The following CDKL4 variants were observed in gnomAD, a reference collection of about 807,000 sequenced individuals.
CDKL4 encodes the protein cyclin-dependent kinase-like 4.
CDKL4 carries 44 observed loss-of-function variants against 42.0 expected under a neutral mutation model. The ratio of observed to expected loss-of-function variants is 1.05; its 90% CI spans 0.82 to 1.35. The LOEUF is 1.35. Ranked by LOEUF, CDKL4 falls within the 40% of genes most tolerant of loss-of-function variation. The probability of loss-of-function intolerance (pLI) is 0.00; values close to 1 mark genes in which losing one functional copy is unlikely to be tolerated. For synonymous variants in CDKL4, 120 were observed against 121.6 expected, an observed-to-expected ratio of 0.99 and a Z score of 0.09; for missense variants, 393 against 369.9, an observed-to-expected ratio of 1.06 and a Z score of -0.51.
At chr2:39,222,179 C>T (rs1406148362) in intron 3 of CDKL4, among the ~76,000 whole-genome samples, 2 of 152,002 alleles carry the variant, frequency 1.3e-5, no homozygotes, top group Non-Finnish European at 2.9e-5. Flanking sequence ...GGTATAAATA[C>T]CAAGTACCAC....
In CDKL4 at chr2:39,187,609, C is replaced by A. The variant is rs149117185; in HGVS notation, c.735+18G>T. The stretch of plus-strand genomic sequence containing the variant: ...GCCGCAACACAAGTAATAAAATATT[C>A]AAAACAGAGCAGCTTACCATGTCTT... On this transcript the variant is annotated intron_variant, in intron 7 of 9. Transcript: ENST00000451199. 3 of 1,549,434 alleles carry A rather than the reference C, an allele frequency of 1.9e-6. No homozygotes were observed. In the African/African-American group the frequency reaches 4.1e-5, roughly 21 times the overall value.
chr2:39,170,734 T>C (rs1303563452), downstream of CDKL4, among the ~76,000 whole-genome samples: 1 of 152,108 alleles, frequency 6.6e-6, no homozygotes, highest in East Asian at 1.9e-4. Flanking sequence ...GGATTACAGA[T>C]GTGAGTCACC....
intron 3 of CDKL4, among the ~76,000 whole-genome samples, chr2:39,225,032 G>A (rs193008722): frequency 6.6e-6 from 1 of 152,212 alleles, no homozygotes; most frequent in Admixed American, 6.5e-5. Context: ...TCAGAACAAC[G>A]TTGCATTATA....
At chr2:39,235,176 C>G (rs539326271) in intron 1 of CDKL4, among the ~76,000 whole-genome samples, 5 of 152,272 alleles carry the variant, frequency 3.3e-5, no homozygotes, top group African/African-American at 1.2e-4. Context: ...CCACACCCAG[C>G]TGATATTTTA....
chr2:39,214,151 G>C (rs1234858227), intron 3 of CDKL4, among the ~76,000 whole-genome samples: 1 of 152,060 alleles, frequency 6.6e-6, no homozygotes, highest in African/African-American at 2.4e-5. Context: ...TTGAACTCTC[G>C]ACCTCAGATG....
exon 9 of CDKL4, chr2:39,179,193 G>C: frequency 1.2e-6 from 2 of 1,601,844 alleles, no homozygotes; most frequent in African/African-American, 1.4e-5. Context: ...GTACCTGTTG[G>C]CGTCTTCTGT....
At chr2:39,189,170 C>G (rs918538911) in intron 6 of CDKL4, among the ~76,000 whole-genome samples, 3 of 152,226 alleles carry the variant, frequency 2.0e-5, no homozygotes, top group Admixed American at 6.5e-5. Flanking sequence ...AGCAGCCATG[C>G]TGCCAGGAGA....
At chr2:39,219,159 C>A (rs1265648139) in intron 3 of CDKL4, among the ~76,000 whole-genome samples, 1 of 152,202 alleles carries the variant, frequency 6.6e-6, no homozygotes, top group African/African-American at 2.4e-5. Flanking sequence ...TTCTCTGGCA[C>A]TCCCAGAAAT....
chr2:39,227,659 G>C (rs1169013196), intron 2 of CDKL4, among the ~76,000 whole-genome samples: 1 of 152,198 alleles, frequency 6.6e-6, no homozygotes, highest in Non-Finnish European at 1.5e-5. Flanking sequence ...GAGTGGAAGA[G>C]ACTAGGTCAT....
intron 4 of CDKL4, among the ~76,000 whole-genome samples, chr2:39,206,641 T>C (rs1677214516): frequency 6.6e-6 from 1 of 152,062 alleles, no homozygotes; most frequent in Non-Finnish European, 1.5e-5. Flanking sequence ...TGGATGAAAA[T>C]AATATCGATC....
At chr2:39,231,840 C>A (rs1024099670) in intron 1 of CDKL4, among the ~76,000 whole-genome samples, 1 of 152,056 alleles carries the variant, frequency 6.6e-6, no homozygotes, top group Non-Finnish European at 1.5e-5. Context: ...TCACTTGAGC[C>A]CAGGAGTTTG....
At chr2:39,185,170 ATATATACATATGTG>A (rs1185151093) in intron 7 of CDKL4, among the ~76,000 whole-genome samples, 1 of 131,130 alleles carries the variant, frequency 7.6e-6, no homozygotes, top group Non-Finnish European at 1.6e-5. Context: ...ACATATGTAT[ATATATACATATGTG>A]TATATACATA....
intron 3 of CDKL4, 93 bp from the exon 4 acceptor site, chr2:39,213,565 C>A: frequency 1.3e-6 from 1 of 751,042 alleles, no homozygotes; most frequent in South Asian, 1.8e-5. Flanking sequence ...GAGGGACTGT[C>A]CTCTTCAAGG....
intron 1 of CDKL4, among the ~76,000 whole-genome samples, chr2:39,235,122 C>T (rs375307726): frequency 2.0e-5 from 3 of 152,158 alleles, no homozygotes; most frequent in Admixed American, 6.6e-5. Context: ...AATCGATTTT[C>T]CCACCTTGGC....
intron 2 of CDKL4, among the ~76,000 whole-genome samples, chr2:39,226,447 A>ATATATATATATTATATATAT (rs1678730824): frequency 3.0e-5 from 4 of 135,252 alleles, no homozygotes; most frequent in Non-Finnish European, 6.3e-5. Context: ...TATATATATT[A>ATATATATATATTATATATAT]TATATATATT....
downstream of CDKL4, among the ~76,000 whole-genome samples, chr2:39,171,719 C>A (rs774343159): frequency 6.6e-6 from 1 of 152,198 alleles, no homozygotes; most frequent in East Asian, 1.9e-4. Flanking sequence ...AAACAAAAAA[C>A]TGTTTGGAGA....
intron 5 of CDKL4, among the ~76,000 whole-genome samples, chr2:39,193,203 CG>C (rs1181904159): frequency 2.8e-5 from 4 of 141,526 alleles, no homozygotes; most frequent in Non-Finnish European, 4.5e-5. Flanking sequence ...GGAGGCTGAA[CG>C]GGGTGGATCA....
At chr2:39,234,436 A>G (rs1679251110) in intron 1 of CDKL4, among the ~76,000 whole-genome samples, 1 of 152,198 alleles carries the variant, frequency 6.6e-6, no homozygotes, top group Admixed American at 6.5e-5. Context: ...ATGAAGAAAA[A>G]AAGGTAAAAG....
chr2:39,212,035 C>G (rs1319801259), intron 4 of CDKL4, among the ~76,000 whole-genome samples: 1 of 152,140 alleles, frequency 6.6e-6, no homozygotes, highest in African/African-American at 2.4e-5. Context: ...AATTATTTCT[C>G]TAACATAGTG....
Sources: gnomAD v4.1 joint callset for allele counts (sites outside exome capture counted in the v4.1 genomes callset) on GRCh38, gnomAD v4.1.1 for gene constraint, MANE v1.5 for transcripts, NCBI Gene and HGNC (gene_info 2026-07-23, HGNC 2026-07-21) for gene names.